Variants in CFAP57 observed in about 807,000 individuals in gnomAD.
CFAP57 encodes cilia and flagella associated protein 57.
CFAP57 carries 116 observed loss-of-function variants against 146.8 expected under a neutral mutation model. That is an observed-to-expected ratio of 0.79 (90% CI 0.68 to 0.92). CFAP57 has a LOEUF of 0.92. CFAP57 is among the 40% of genes least tolerant of loss of function. The probability of loss-of-function intolerance (pLI) is 0.00; values close to 1 mark genes in which losing one functional copy is unlikely to be tolerated. For synonymous variants in CFAP57, 518 were observed against 552.8 expected, an observed-to-expected ratio of 0.94 and a Z score of 0.88; for missense variants, 1,377 against 1,527.2, an observed-to-expected ratio of 0.90 and a Z score of 1.64.
intron 6 of CFAP57, among the ~76,000 whole-genome samples, chr1:43,187,603 CAA>C (rs1389108441): frequency 5.1e-5 from 7 of 136,122 alleles, no homozygotes; most frequent in Admixed American, 7.5e-5. Context: ...TTTATCACCT[CAA>C]AAAAAAAAAA....
At chr1:43,247,571 G>A (rs536849352) in intron 22 of CFAP57, among the ~76,000 whole-genome samples, 12 of 152,208 alleles carry the variant, frequency 7.9e-5, no homozygotes, top group African/African-American at 2.2e-4. Context: ...CTGCCAAACC[G>A]CCAATGCATT....
chr1:43,229,034 G>C (rs570156253), intron 18 of CFAP57, among the ~76,000 whole-genome samples: 1 of 148,562 alleles, frequency 6.7e-6, no homozygotes, highest in Non-Finnish European at 1.5e-5. Context: ...TGGGGGTTAG[G>C]TTTCACCATT....
chr1:43,222,460 A>C lies in CFAP57; in HGVS notation c.2532+165A>C, dbSNP rs72891672. On this transcript the variant is annotated intron_variant, in intron 15 of 22. Coordinates refer to ENST00000372492, the MANE Select transcript of CFAP57 (RefSeq NM_001378189.1). Reference sequence around the variant, plus strand: ...TATCAAATGGGAGAGACAGCCAAATAACATCGCAAATAAATATAACATTAT... The same window carrying C: ...TATCAAATGGGAGAGACAGCCAAATCACATCGCAAATAAATATAACATTAT... 2.5e-3 allele frequency among the ~76,000 whole-genome samples: 381 copies of C among 152,362 alleles called. 3 individuals are homozygous for C. The highest frequency in any genetic ancestry group is 8.6e-3 in the African/African-American group (359 of 41,578).
rs531804971 is a variant in CFAP57 at position 43,186,369 on chromosome 1, T to C, written c.970-338T>C. On this transcript the variant is annotated intron_variant, in intron 5 of 22. Transcript: ENST00000372492. ...GCTCACGCCTGTAATCCCAGCACTTTGGAAGGCCGAGGCGGGCGGATCATG... is the reference window on the plus strand; with the variant it reads ...GCTCACGCCTGTAATCCCAGCACTTCGGAAGGCCGAGGCGGGCGGATCATG... Among the ~76,000 whole-genome samples the C allele has an allele frequency of 3.9e-5, 6 of 152,144 alleles. No individual in the cohort carries two copies. In the South Asian group the frequency reaches 1.0e-3, roughly 26 times the overall value.
At position 43,224,116 on chromosome 1, in the gene CFAP57, AGCT is replaced by A. The variant is rs1645152327; in HGVS notation, c.2780_2782del (p.Leu927del). Reference sequence around the variant, plus strand: ...GAGACCCTAAAAGGAGAGCAGATGAAGCTGCAAGGAGTCATTAAGTCTCTGGAG... The same window carrying A: ...GAGACCCTAAAAGGAGAGCAGATGAAGCAAGGAGTCATTAAGTCTCTGGAG... On this transcript the variant is annotated inframe_deletion, in exon 17 of 23. Transcript: ENST00000372492. 4 of 1,550,570 alleles carry A rather than the reference AGCT, an allele frequency of 2.6e-6. No homozygotes were observed. The highest frequency in any genetic ancestry group is 1.4e-5 in the African/African-American group (1 of 73,168).
intron 14 of CFAP57, 52 bp downstream of exon 14, chr1:43,221,517 T>C: frequency 7.8e-7 from 1 of 1,284,374 alleles, no homozygotes; most frequent in Non-Finnish European, 1.0e-6. Flanking sequence ...AGCTAGGTTA[T>C]GGGGAAACAC....
rs775978346 is a variant in CFAP57, at chr1:43,232,500, G to A, written c.3010-8G>A. On this transcript the variant is annotated splice_polypyrimidine_tract_variant and splice_region_variant and intron_variant, in intron 18 of 22. Coordinates refer to ENST00000372492, the MANE Select transcript of CFAP57 (RefSeq NM_001378189.1). ...TTCTTCTTGACTCTTTTCCCTTGTT[G>A]TCTACAGATGGAAGCTGAACTGGAG... 1.5e-4 allele frequency: 238 copies of A among 1,547,308 alleles called. 1 individual carries two copies. Among genetic ancestry groups the A allele is most frequent in the Non-Finnish European group, 2.0e-4 (224 of 1,144,270 alleles).
chr1:43,177,647 A>G (rs908956038), intron 2 of CFAP57, among the ~76,000 whole-genome samples: 7 of 152,112 alleles, frequency 4.6e-5, no homozygotes, highest in African/African-American at 9.7e-5. Flanking sequence ...CAGTTTTTCC[A>G]TGGACAGGAT....
intron 11 of CFAP57, among the ~76,000 whole-genome samples, chr1:43,214,590 GC>G (rs371923435): frequency 1.8e-3 from 270 of 152,286 alleles, no homozygotes; most frequent in African/African-American, 5.9e-3. Context: ...TCATATACAG[GC>G]TTTTGTGTGG....
chr1:43,184,964 T>A (rs1642936046), intron 4 of CFAP57, 185 bp from the exon 5 acceptor site: 2 of 646,766 alleles, frequency 3.1e-6, no homozygotes. Context: ...CTCTCTTGCT[T>A]CTAGGCTTGG....
intron 22 of CFAP57, among the ~76,000 whole-genome samples, chr1:43,245,532 G>T (rs962065689): frequency 2.0e-5 from 3 of 152,010 alleles, no homozygotes; most frequent in African/African-American, 7.2e-5. Context: ...CCTGTCACTT[G>T]TGATTCATCA....
At chr1:43,226,141 C>G (rs184057695) in intron 17 of CFAP57, among the ~76,000 whole-genome samples, 17 of 152,354 alleles carry the variant, frequency 1.1e-4, no homozygotes, top group African/African-American at 4.1e-4. Context: ...CCACTGCGCT[C>G]TAGCCTGGGT....
At chr1:43,180,558 C>T (rs1401101349) in intron 2 of CFAP57, among the ~76,000 whole-genome samples, 1 of 151,910 alleles carries the variant, frequency 6.6e-6, no homozygotes. Context: ...TCACAACACG[C>T]CAAGGAGAGA....
intron 10 of CFAP57, 105 bp from the exon 11 acceptor site, chr1:43,209,638 C>T: frequency 8.4e-7 from 1 of 1,195,490 alleles, no homozygotes; most frequent in South Asian, 1.3e-5. Flanking sequence ...TTTTTAAAGA[C>T]AAGCCCCTAG....
At chr1:43,210,849 T>G (rs570829564) in intron 11 of CFAP57, 1 of 150,996 alleles carries the variant, frequency 6.6e-6, no homozygotes, top group African/African-American at 2.4e-5. Flanking sequence ...ACGACAATTT[T>G]AAAAATGAAA....
chr1:43,225,220 C>T (rs1645199782), intron 17 of CFAP57, among the ~76,000 whole-genome samples: 1 of 152,200 alleles, frequency 6.6e-6, no homozygotes, highest in Admixed American at 6.5e-5. Context: ...CCATCTCCCA[C>T]CACCATGGAC....
At chr1:43,173,934 A>G (rs574759233) in intron 2 of CFAP57, among the ~76,000 whole-genome samples, 52 of 152,344 alleles carry the variant, frequency 3.4e-4, no homozygotes, top group African/African-American at 1.2e-3. Flanking sequence ...GGTATTGTCC[A>G]ACTTCGTAAT....
At chr1:43,214,826 G>A (rs1463678121) in intron 11 of CFAP57, among the ~76,000 whole-genome samples, 4 of 152,296 alleles carry the variant, frequency 2.6e-5, no homozygotes, top group East Asian at 3.9e-4. Context: ...TAATGGGTGT[G>A]TAGTGATATC....
Position 43,206,913 on chromosome 1 carries a change from A to G in CFAP57, c.1736A>G (p.Lys579Arg). ...IFAVGSDHTLKEIADSLILRE... is the reference protein window; with the variant it reads ...IFAVGSDHTLREIADSLILRE... ...GCTGTTGGATCAGACCACACCCTCA[A>G]GGAGATTGCAGATTCCTTGGTGAGT... The change falls in exon 10 of 23, where the codon AAG (lysine) becomes AGG (arginine). Residue 579 changes from lysine to arginine, a missense_variant. Lys to Arg is a conservative substitution (Grantham distance 26). Transcript: ENST00000372492. 6.2e-7 allele frequency: 1 copy of G among 1,613,810 alleles called. No individual in the cohort carries two copies. Among genetic ancestry groups the G allele is most frequent in the Non-Finnish European group, 8.5e-7 (1 of 1,180,026 alleles).
Sources: allele counts gnomAD v4.1 joint callset (sites outside exome capture counted in the v4.1 genomes callset), GRCh38; gene constraint gnomAD v4.1.1; transcripts MANE v1.5; gene names NCBI Gene and HGNC (gene_info 2026-07-23, HGNC 2026-07-21).